Variants in COL26A1 observed in about 807,000 individuals in gnomAD.
COL26A1 encodes the protein collagen alpha-1(XXVI) chain.
A neutral mutation model predicts 59.3 loss-of-function variants in COL26A1; 41 were observed. That is an observed-to-expected ratio of 0.69 (90% CI 0.54 to 0.90). The LOEUF (loss-of-function observed/expected upper bound fraction) is 0.90, where lower values mean the gene tolerates loss of function less well. Among genes scored for constraint, COL26A1 ranks in the 40% least tolerant of loss-of-function variants. The pLI is 0.00. For synonymous variants in COL26A1, 266 were observed against 256.0 expected (o/e 1.04, Z -0.37); for missense variants, 612 against 602.3 (o/e 1.02, Z -0.17).
intron 1 of COL26A1, among the ~76,000 whole-genome samples, chr7:101,405,368 G>C (rs1275713326): frequency 6.6e-6 from 1 of 150,628 alleles, no homozygotes; most frequent in East Asian, 1.9e-4. Context: ...CAAAGTCACT[G>C]TATCACCCAG....
At position 101,363,098 on chromosome 7, in the gene COL26A1, C is replaced by G. The variant is rs749776329; in HGVS notation, c.66C>G (p.Gly22=). 4.5e-6 allele frequency: 7 copies of G among 1,564,080 alleles called. No homozygotes were observed. The highest frequency in any genetic ancestry group is 6.0e-6 in the Non-Finnish European group (7 of 1,163,906). Residue 22 remains glycine (G), a synonymous_variant, in exon 1 of 13, where the codon GGC becomes GGG. Transcript: ENST00000313669. ...CCLCGSALAT[G]FLYPFSAAAL... is the part of the protein sequence containing the mutation. ...TCTGCGGGTCGGCGCTGGCCACCGG[C>G]TTCCTCTATCCCTTCTCGGCCGCAG...
intron 3 of COL26A1, among the ~76,000 whole-genome samples, chr7:101,474,825 G>A (rs1584440682): frequency 6.6e-6 from 1 of 152,124 alleles, no homozygotes; most frequent in African/African-American, 2.4e-5. Context: ...AAAGAAACAG[G>A]GAGACCTGTG....
chr7:101,447,479 C>G (rs565349881), intron 2 of COL26A1, among the ~76,000 whole-genome samples: 1 of 152,366 alleles, frequency 6.6e-6, no homozygotes, highest in African/African-American at 2.4e-5. Flanking sequence ...GGTCTGATCT[C>G]TTTCGTTGTC....
At chr7:101,387,491 A>G (rs1791604537) in intron 1 of COL26A1, among the ~76,000 whole-genome samples, 1 of 151,342 alleles carries the variant, frequency 6.6e-6, no homozygotes, top group African/African-American at 2.4e-5. Context: ...TAAACTTTTT[A>G]TTATTTATAT....
chr7:101,392,581 T>C (rs150562434), intron 1 of COL26A1, among the ~76,000 whole-genome samples: 9,303 of 151,782 alleles, frequency 0.061, 656 homozygotes, highest in African/African-American at 0.16. Context: ...TTTGTATTTT[T>C]AGTAGAGATG....
intron 2 of COL26A1, among the ~76,000 whole-genome samples, chr7:101,434,055 TCCCTCCCTC>T (rs1792845155): frequency 4.6e-5 from 1 of 21,666 alleles, no homozygotes; most frequent in African/African-American, 1.7e-4. Context: ...CCTCCCTCCC[TCCCTCCCTC>T]CCTCCCTCCC....
At chr7:101,545,293 G>T (rs371717558) in intron 6 of COL26A1, 45 bp from the exon 7 acceptor site, 1 of 1,514,038 alleles carries the variant, frequency 6.6e-7, no homozygotes, top group East Asian at 2.5e-5. Flanking sequence ...GCAGCCACCC[G>T]CCAGGCTCCG....
chr7:101,435,332 C>T (rs1403784960), intron 2 of COL26A1, among the ~76,000 whole-genome samples: 1 of 152,138 alleles, frequency 6.6e-6, no homozygotes, highest in African/African-American at 2.4e-5. Flanking sequence ...AAAAAGAAGA[C>T]AGCTGTTCAG....
chr7:101,447,685 T>C lies in COL26A1; in HGVS notation c.283T>C (p.Tyr95His). 1 of 1,587,956 alleles carries C rather than the reference T, an allele frequency of 6.3e-7. No individual in the cohort carries two copies. Among genetic ancestry groups the C allele is most frequent in the Non-Finnish European group, 8.6e-7 (1 of 1,165,866 alleles). ...CCCCTGACGCTGTCTGTGTGTTAGT[T>C]ACAGGACTCTGATCAGACCCACCTA... ...WPGPCANLVS[Y>H]RTLIRPTYRV... The change falls in exon 3 of 13, where the codon TAC becomes CAC. Residue 95 changes from tyrosine to histidine, a missense_variant and splice_region_variant. Physicochemically the swap from Tyr to His is moderately conservative, Grantham distance 83 (BLOSUM62 2). Transcript: ENST00000313669.
chr7:101,374,257 A>G (rs549536890), intron 1 of COL26A1, among the ~76,000 whole-genome samples: 103 of 152,260 alleles, frequency 6.8e-4, no homozygotes, highest in African/African-American at 2.4e-3. Flanking sequence ...GACTGAGTCC[A>G]GGTTAATTCT....
intron 3 of COL26A1, among the ~76,000 whole-genome samples, chr7:101,493,066 T>A (rs1251139464): frequency 1.3e-5 from 2 of 152,220 alleles, no homozygotes; most frequent in African/African-American, 4.8e-5. Context: ...GAAATCATCA[T>A]TCCCCTTTCA....
At chr7:101,388,972 G>T in intron 1 of COL26A1, 1 of 294,904 alleles carries the variant, frequency 3.4e-6, no homozygotes, top group South Asian at 3.8e-5. Flanking sequence ...CCTCTGACAA[G>T]GACAGGATTT....
rs528576489 is a variant in COL26A1, at chr7:101,480,417, CAT to C, written c.385+32631_385+32632del. On this transcript the variant is annotated intron_variant, in intron 3 of 12. Coordinates refer to ENST00000313669, the MANE Select transcript of COL26A1 (RefSeq NM_001278563.3). ...TATTTTTAAACATTCTTATTTTACA[CAT>C]GTCATATTTTATTTCATATTAGAGT... Among the ~76,000 whole-genome samples the C allele has an allele frequency of 5.1e-4, 78 of 152,246 alleles. 1 individual carries two copies. The highest frequency in any genetic ancestry group is 9.3e-4 in the Non-Finnish European group (63 of 68,022).
rs1793026918 is a variant in COL26A1, at chr7:101,440,381, C to CA, written c.282-7296dup. 2.0e-5 allele frequency among the ~76,000 whole-genome samples: 3 copies of CA among 152,144 alleles called. No homozygotes were observed. The South Asian group carries it at 6.2e-4, about 32-fold the overall frequency. On this transcript the variant is annotated intron_variant, in intron 2 of 12. Transcript: ENST00000313669. Reference sequence around the variant, plus strand: ...ACTCTGTCTCAAAACAAAAAAACAACAAAAAAAGAAAGTTTGCCCAACTGG... The same window carrying CA: ...ACTCTGTCTCAAAACAAAAAAACAACAAAAAAAAGAAAGTTTGCCCAACTGG...
At chr7:101,414,019 T>G (rs35479406) in intron 1 of COL26A1, among the ~76,000 whole-genome samples, 25,981 of 151,954 alleles carry the variant, frequency 0.17, 2,758 homozygotes, top group Non-Finnish European at 0.24. Context: ...GACAAAACAC[T>G]CAGGACGCAG....
chr7:101,398,972 A>G (rs1374226687), intron 1 of COL26A1, among the ~76,000 whole-genome samples: 1 of 152,110 alleles, frequency 6.6e-6, no homozygotes, highest in African/African-American at 2.4e-5. Flanking sequence ...GGGGATGGAC[A>G]GAGCTTTAAA....
chr7:101,482,946 A>T (rs767344021), intron 3 of COL26A1, among the ~76,000 whole-genome samples: 2 of 152,070 alleles, frequency 1.3e-5, no homozygotes, highest in Non-Finnish European at 2.9e-5. Context: ...GACAAGTGAG[A>T]CTCTGTCTCA....
At chr7:101,527,614 G>A (rs138409192) in intron 3 of COL26A1, among the ~76,000 whole-genome samples, 6 of 152,166 alleles carry the variant, frequency 3.9e-5, no homozygotes, top group South Asian at 2.1e-4. Context: ...GATTACAGGC[G>A]TGAGCCACCA....
chr7:101,543,852 A>T (rs1451851624), intron 5 of COL26A1, 146 bp from the exon 6 acceptor site: 2 of 572,810 alleles, frequency 3.5e-6, no homozygotes, highest in Non-Finnish European at 6.4e-6. Context: ...CTCCAAGGTG[A>T]TGTGAGTGCC....
Sources: allele counts gnomAD v4.1 joint callset (sites outside exome capture counted in the v4.1 genomes callset), GRCh38; gene constraint gnomAD v4.1.1; transcripts MANE v1.5; gene names NCBI Gene and HGNC (gene_info 2026-07-23, HGNC 2026-07-21).